EXOC5: variants seen among roughly 807,000 people sequenced by gnomAD.
The protein encoded by EXOC5 is SEC10-like 1.
Under a neutral mutation model 90.8 loss-of-function variants are expected in EXOC5, and 17 were observed. The observed-to-expected ratio is 0.19, with a 90% CI of 0.13 to 0.28. The LOEUF (loss-of-function observed/expected upper bound fraction) is 0.28, where lower values mean the gene tolerates loss of function less well. Among genes scored for constraint, EXOC5 ranks in the 10% least tolerant of loss-of-function variants. The pLI, the probability that EXOC5 is intolerant of heterozygous loss-of-function variation, is 1.00. For synonymous variants in EXOC5, 260 were observed against 270.0 expected, an observed-to-expected ratio of 0.96 and a Z score of 0.36; for missense variants, 569 against 830.6, an observed-to-expected ratio of 0.69 and a Z score of 3.87.
intron 3 of EXOC5, 105 bp downstream of exon 3, chr14:57,246,606 G>A: frequency 1.1e-6 from 1 of 951,930 alleles, no homozygotes; most frequent in Non-Finnish European, 1.6e-6. Flanking sequence ...AAGAAATCTT[G>A]ACAGTTACTA....
At chr14:57,262,563 T>C (rs1393871734) in intron 1 of EXOC5, among the ~76,000 whole-genome samples, 2 of 147,926 alleles carry the variant, frequency 1.4e-5, no homozygotes, top group Non-Finnish European at 3.0e-5. Context: ...TGTGTGTGTG[T>C]GTATATATAT....
intron 4 of EXOC5, chr14:57,243,642 A>G (rs1460596607): frequency 1.3e-5 from 2 of 152,536 alleles, no homozygotes; most frequent in Non-Finnish European, 2.9e-5. Context: ...TAGTGCTATG[A>G]AAAGGATTAA....
At chr14:57,268,380 T>C in intron 1 of EXOC5, 1 of 1,138,818 alleles carries the variant, frequency 8.8e-7, no homozygotes, top group Non-Finnish European at 1.2e-6. Context: ...CCTCCTCCCT[T>C]GGGACACCCG....
In EXOC5 at chr14:57,201,595, T is replaced by A. The variant is rs1417849345; in HGVS notation, c.*7014A>T. 7.5e-6 allele frequency: 1 copy of A among 133,184 alleles called. No homozygotes were observed. The highest frequency in any genetic ancestry group is 1.6e-5 in the Non-Finnish European group (1 of 63,478). The allele number at this position is 133,184 out of a possible 1,614,324, so 8.3% of individuals were successfully genotyped here. ...ATATATATATATATATATATATATA[T>A]AAAGGATGGCTGGTTAAGGTGGCTC... On this transcript the variant is annotated 3_prime_UTR_variant, in exon 18 of 18. Coordinates refer to ENST00000621441, the MANE Select transcript of EXOC5 (RefSeq NM_006544.4).
At chr14:57,218,796 A>C (rs1362257943) in intron 14 of EXOC5, among the ~76,000 whole-genome samples, 1 of 152,114 alleles carries the variant, frequency 6.6e-6, no homozygotes, top group Non-Finnish European at 1.5e-5. Flanking sequence ...TTAAACAGAT[A>C]ATTCTGTAAA....
chr14:57,265,261 A>G (rs1296798822), intron 1 of EXOC5, among the ~76,000 whole-genome samples: 1 of 152,042 alleles, frequency 6.6e-6, no homozygotes, highest in African/African-American at 2.4e-5. Flanking sequence ...ATATCTGTAG[A>G]ATGAATGAAT....
At chr14:57,221,939 T>A (rs1320194477) in intron 13 of EXOC5, among the ~76,000 whole-genome samples, 3 of 152,150 alleles carry the variant, frequency 2.0e-5, no homozygotes, top group African/African-American at 7.2e-5. Context: ...AATCTATTTT[T>A]TTCCAGACTT....
At position 57,209,178 on chromosome 14, in the gene EXOC5, A is replaced by G. The variant is rs578236496; in HGVS notation, c.1939-381T>C. Among the ~76,000 whole-genome samples, 10 of 152,234 alleles carry G rather than the reference A, an allele frequency of 6.6e-5. No homozygotes were observed. In the South Asian group the frequency reaches 2.1e-3, roughly 32 times the overall value. On this transcript the variant is annotated intron_variant, in intron 17 of 17. Transcript: ENST00000621441. ...TATATAACATTAGTCATGGATGTCA[A>G]TAAGTCAAAGACTGTGGAACTGAAA...
At position 57,268,881 on chromosome 14, in the gene EXOC5, C is replaced by T; in HGVS notation, c.-233G>A. 9.0e-7 allele frequency: 1 copy of T among 1,115,302 alleles called. No homozygotes were observed. The allele number at this position is 1,115,302 out of a possible 1,614,324, so 69.1% of individuals were successfully genotyped here. ...CCGCCCGCGCTGCTCCCATTGTCAC[C>T]GCCTCATACGCCGGAAGTGGAACTG... On this transcript the variant is annotated 5_prime_UTR_variant, in exon 1 of 18. Transcript: ENST00000621441.
At chr14:57,225,245 A>G (rs1166477812) in intron 12 of EXOC5, among the ~76,000 whole-genome samples, 1 of 152,244 alleles carries the variant, frequency 6.6e-6, no homozygotes, top group Non-Finnish European at 1.5e-5. Context: ...ATAATTTACC[A>G]TATTAACAGA....
At position 57,206,780 on chromosome 14, in the gene EXOC5, A is replaced by G. The variant is rs1254488199; in HGVS notation, c.*1829T>C. 6.6e-6 allele frequency: 1 copy of G among 152,540 alleles called. No homozygotes were observed. Among genetic ancestry groups the G allele is most frequent in the East Asian group, 1.9e-4 (1 of 5,202 alleles). The allele number at this position is 152,540 out of a possible 1,614,324, so 9.4% of individuals were successfully genotyped here. ...CATTTTAAAAATTAATCCAAACAAA[A>G]TAATTTGAAGCACTTCTCTGATTTG... On this transcript the variant is annotated 3_prime_UTR_variant, in exon 18 of 18. Coordinates refer to ENST00000621441, the MANE Select transcript of EXOC5 (RefSeq NM_006544.4).
Position 57,268,722 on chromosome 14 carries a change from G to A in EXOC5, c.-74C>T, listed in dbSNP as rs992572746. The stretch of plus-strand genomic sequence containing the variant: ...ACATGCTGCGCCTCAGAGGCGCGGC[G>A]CACAGGTCTCCGCTCGGCTCGCCAG... On this transcript the variant is annotated 5_prime_UTR_variant, in exon 1 of 18. Coordinates refer to ENST00000621441, the MANE Select transcript of EXOC5 (RefSeq NM_006544.4). 3.9e-6 allele frequency: 6 copies of A among 1,530,218 alleles called. No homozygotes were observed. Among genetic ancestry groups the A allele is most frequent in the East Asian group, 4.9e-5 (2 of 40,534 alleles). 94.8% of individuals were successfully genotyped at this position (1,530,218 alleles called of 1,614,324 possible).
intron 11 of EXOC5, among the ~76,000 whole-genome samples, chr14:57,230,120 A>G (rs1282719161): frequency 1.3e-5 from 2 of 152,184 alleles, no homozygotes; most frequent in Non-Finnish European, 2.9e-5. Context: ...TTTACAATTC[A>G]GCCTTACAAT....
Position 57,268,792 on chromosome 14 carries a change from C to A in EXOC5, c.-144G>T. 1 of 1,417,130 alleles carries A rather than the reference C, an allele frequency of 7.1e-7. No homozygotes were observed. Among genetic ancestry groups the A allele is most frequent in the Non-Finnish European group, 9.1e-7 (1 of 1,093,134 alleles). The allele number at this position is 1,417,130 out of a possible 1,614,324, so 87.8% of individuals were successfully genotyped here. A position where few individuals can be genotyped will look rare whatever the true frequency, so the allele number is the denominator to read the frequency against. On this transcript the variant is annotated 5_prime_UTR_variant, in exon 1 of 18. The change creates a premature stop within an existing upstream ORF in the 5' untranslated region. Coordinates refer to ENST00000621441, the MANE Select transcript of EXOC5 (RefSeq NM_006544.4). The stretch of plus-strand genomic sequence containing the variant: ...CGGGCTCCCCAGCTCCCCACAGATC[C>A]CAGGAGGGGCGGGAGAGCGGCCATG...
chr14:57,238,221 TATACACAC>T (rs150807823), intron 5 of EXOC5, among the ~76,000 whole-genome samples: 2,243 of 93,308 alleles, frequency 0.024, 21 homozygotes, highest in Middle Eastern at 0.045. Context: ...TCCACATATA[TATACACAC>T]ACACACACAC....
rs1429449349 is a variant in EXOC5 at position 57,201,466 on chromosome 14, ATATG to A, written c.*7139_*7142del. Reference sequence around the variant, plus strand: ...CGTGTGTATATATACACACGCGTGTATATGTACACACACGTGTATAAACACACGT... The same window carrying A: ...CGTGTGTATATATACACACGCGTGTATACACACACGTGTATAAACACACGT... On this transcript the variant is annotated 3_prime_UTR_variant, in exon 18 of 18. Coordinates refer to ENST00000621441, the MANE Select transcript of EXOC5 (RefSeq NM_006544.4). The A allele has an allele frequency of 5.5e-4, 77 of 139,816 alleles. No individual in the cohort carries two copies. Among genetic ancestry groups the A allele is most frequent in the African/African-American group, 2.0e-3 (64 of 32,274 alleles). The allele number at this position is 139,816 out of a possible 1,614,324, so 8.7% of individuals were successfully genotyped here.
intron 11 of EXOC5, among the ~76,000 whole-genome samples, chr14:57,230,449 A>G (rs571916918): frequency 2.0e-3 from 301 of 152,076 alleles, no homozygotes; most frequent in African/African-American, 6.1e-3. Context: ...ACACACAAAC[A>G]CACACACAAA....
Position 57,246,812 on chromosome 14 carries a change from C to T in EXOC5, c.169G>A (p.Asp57Asn). ...VNHIQELQIM[D>N]ERIQRKVEKL... ...TCTACTTTCCTCTGAATCCTTTCAT[C>T]CATTATCTGGAGTTCCTGAATATGA... The change falls in exon 3 of 18, where the codon GAT (aspartate) becomes AAT (asparagine). Residue 57 changes from aspartate to asparagine, a missense_variant. By Grantham distance (23) the Asp-to-Asn change is conservative (BLOSUM62 1). Coordinates refer to ENST00000621441, the MANE Select transcript of EXOC5 (RefSeq NM_006544.4). The T allele has an allele frequency of 3.8e-6, 6 of 1,598,922 alleles. No individual in the cohort carries two copies. Among genetic ancestry groups the T allele is most frequent in the East Asian group, 2.2e-5 (1 of 44,744 alleles).
chr14:57,218,507 G>A (rs1382619447), intron 14 of EXOC5, among the ~76,000 whole-genome samples: 1 of 151,984 alleles, frequency 6.6e-6, no homozygotes, highest in Non-Finnish European at 1.5e-5. Context: ...CAATCCAGTT[G>A]TACTTTTAAA....
Sources: allele counts gnomAD v4.1 joint callset (sites outside exome capture counted in the v4.1 genomes callset), GRCh38; gene constraint gnomAD v4.1.1; transcripts MANE v1.5; gene names NCBI Gene and HGNC (gene_info 2026-07-23, HGNC 2026-07-21).